The following SLC4A4 variants were observed in gnomAD, a reference collection of about 807,000 sequenced individuals.
SLC4A4 encodes the protein electrogenic sodium bicarbonate cotransporter 1.
A neutral mutation model predicts 111.5 loss-of-function variants in SLC4A4; 27 were observed. The ratio of observed to expected loss-of-function variants is 0.24; its 90% CI spans 0.18 to 0.33. The LOEUF is 0.33. SLC4A4 is among the 10% of genes least tolerant of loss of function. The pLI is 1.00. For missense variants in SLC4A4, 909 were observed against 1,315.5 expected, an observed-to-expected ratio of 0.69 and a Z score of 4.78; for synonymous variants, 443 against 463.4, an observed-to-expected ratio of 0.96 and a Z score of 0.57.
chr4:71,298,880 A>G (rs144264997), intron 3 of SLC4A4, among the ~76,000 whole-genome samples: 25 of 152,258 alleles, frequency 1.6e-4, no homozygotes, highest in African/African-American at 5.3e-4. Flanking sequence ...TCTTCAGTTT[A>G]TGTGCTCATT....
Position 71,472,593 on chromosome 4 carries a change from G to T in SLC4A4, c.1632-106G>T, listed in dbSNP as rs76540328. On this transcript the variant is annotated intron_variant, in intron 13 of 25. Coordinates refer to ENST00000264485, the MANE Select transcript of SLC4A4 (RefSeq NM_001098484.3). ...AGAGTTTCACATTTAGTGGCTAAAG[G>T]TGATCTTGTATTTTTGTCAATCTTT... 463 of 1,167,550 alleles carry T rather than the reference G, an allele frequency of 4.0e-4. 3 individuals are homozygous for T. In the African/African-American group the frequency reaches 6.1e-3, roughly 15 times the overall value. 72.3% of individuals were successfully genotyped at this position (1,167,550 alleles called of 1,614,324 possible). A position where few individuals can be genotyped will look rare whatever the true frequency, so the allele number is the denominator to read the frequency against.
chr4:71,161,960 T>C (rs1481996511), intron 2 of SLC4A4, among the ~76,000 whole-genome samples: 2 of 152,180 alleles, frequency 1.3e-5, no homozygotes, highest in African/African-American at 2.4e-5. Context: ...AATCTACTAA[T>C]TGGGTATAGA....
intron 2 of SLC4A4, among the ~76,000 whole-genome samples, chr4:71,126,618 T>G (rs1163860112): frequency 1.3e-5 from 2 of 152,240 alleles, no homozygotes; most frequent in Non-Finnish European, 2.9e-5. Context: ...AAGTTCTATT[T>G]TATGTGATTA....
chr4:71,184,327 A>G (rs765344678), upstream of SLC4A4, among the ~76,000 whole-genome samples: 4 of 152,190 alleles, frequency 2.6e-5, no homozygotes, highest in Non-Finnish European at 5.9e-5. Flanking sequence ...TGGACTACCT[A>G]TTCGAAAACT....
At chr4:71,558,922 T>C (rs1055029783) in intron 22 of SLC4A4, among the ~76,000 whole-genome samples, 5 of 151,856 alleles carry the variant, frequency 3.3e-5, no homozygotes, top group Admixed American at 3.3e-4. Context: ...CACTCAAATA[T>C]ACCTATTAGT....
chr4:71,282,484 C>A (rs568630707), intron 3 of SLC4A4, among the ~76,000 whole-genome samples: 50 of 151,768 alleles, frequency 3.3e-4, no homozygotes, highest in Non-Finnish European at 6.3e-4. Flanking sequence ...GGGGTTTCTC[C>A]GTGTTGGTCA....
intron 2 of SLC4A4, among the ~76,000 whole-genome samples, chr4:71,240,086 A>G (rs1720089049): frequency 6.6e-6 from 1 of 152,068 alleles, no homozygotes; most frequent in Non-Finnish European, 1.5e-5. Context: ...TTACGTAGCA[A>G]TTACGTAGTG....
chr4:71,065,134 T>C (rs945370684), intron 1 of SLC4A4, among the ~76,000 whole-genome samples: 1 of 152,204 alleles, frequency 6.6e-6, no homozygotes, highest in Non-Finnish European at 1.5e-5. Context: ...CACTGAATGA[T>C]ATGAGGAAAA....
At chr4:71,227,261 C>T (rs924671363) in intron 1 of SLC4A4, among the ~76,000 whole-genome samples, 16 of 152,196 alleles carry the variant, frequency 1.1e-4, no homozygotes, top group Admixed American at 4.6e-4. Context: ...GTGTGGTGGA[C>T]GGTTCAGGGT....
chr4:71,569,332 T>C lies in SLC4A4; in HGVS notation c.*1581T>C, dbSNP rs1029148197. On this transcript the variant is annotated 3_prime_UTR_variant, in exon 26 of 26. Transcript: ENST00000264485. ...CCATTTACACATCTATAAAATGTAA[T>C]GGGATTGCAGAGCTGCAGAGTACAG... The C allele has an allele frequency of 1.3e-5, 2 of 151,688 alleles. No individual in the cohort carries two copies. The highest frequency in any genetic ancestry group is 3.0e-5 in the Non-Finnish European group (2 of 67,780). The allele number at this position is 151,688 out of a possible 1,614,324, so 9.4% of individuals were successfully genotyped here. A position where few individuals can be genotyped will look rare whatever the true frequency, so the allele number is the denominator to read the frequency against.
intron 2 of SLC4A4, among the ~76,000 whole-genome samples, chr4:71,254,519 T>G (rs1274394220): frequency 6.6e-6 from 1 of 152,112 alleles, no homozygotes; most frequent in Admixed American, 6.6e-5. Context: ...AAAATGAGAA[T>G]GGCACTGTAG....
chr4:71,217,749 G>A (rs1355406508), intron 1 of SLC4A4, among the ~76,000 whole-genome samples: 1 of 152,148 alleles, frequency 6.6e-6, no homozygotes, highest in African/African-American at 2.4e-5. Context: ...TGGTATAAGA[G>A]TGGCATCATA....
intron 7 of SLC4A4, among the ~76,000 whole-genome samples, chr4:71,420,932 G>A (rs542504205): frequency 3.6e-4 from 54 of 149,306 alleles, no homozygotes; most frequent in African/African-American, 1.2e-3. Flanking sequence ...ATCAACTAAC[G>A]AGCAAAATAA....
At chr4:71,114,091 C>CA (rs1320857774) in intron 2 of SLC4A4, among the ~76,000 whole-genome samples, 3 of 151,856 alleles carry the variant, frequency 2.0e-5, no homozygotes, top group Non-Finnish European at 4.4e-5. Context: ...AGTAAACATA[C>CA]AAAAAATTAG....
intron 2 of SLC4A4, among the ~76,000 whole-genome samples, chr4:71,129,551 G>A (rs1743646430): frequency 6.6e-6 from 1 of 152,118 alleles, no homozygotes; most frequent in African/African-American, 2.4e-5. Flanking sequence ...GTGGAAAGCA[G>A]TTTGGCAATT....
At chr4:71,462,569 T>C (rs968457884) in intron 12 of SLC4A4, among the ~76,000 whole-genome samples, 13 of 151,998 alleles carry the variant, frequency 8.6e-5, no homozygotes, top group African/African-American at 3.1e-4. Flanking sequence ...CCACCATGCC[T>C]GGCTAATTTT....
chr4:71,269,141 G>A (rs1722514432), intron 3 of SLC4A4, among the ~76,000 whole-genome samples: 1 of 152,158 alleles, frequency 6.6e-6, no homozygotes, highest in African/African-American at 2.4e-5. Context: ...GGAGTTGTTG[G>A]GCTAAAAATG....
rs1278230926 is a variant in SLC4A4 at position 71,267,803 on chromosome 4, A to AAAAG, written c.253+12407_253+12408insGAAA. Reference sequence around the variant, plus strand: ...AGTGAGAGTCTGCCAAAAAAAAAAAAAAAAAAAAAAAAAAAGAAAACGAAA... The same window carrying AAAAG: ...AGTGAGAGTCTGCCAAAAAAAAAAAAAAAGAAAAAAAAAAAAAAAGAAAACGAAA... On this transcript the variant is annotated intron_variant, in intron 3 of 25. Coordinates refer to ENST00000264485, the MANE Select transcript of SLC4A4 (RefSeq NM_001098484.3). Among the ~76,000 whole-genome samples, 199 of 146,020 alleles carry AAAAG rather than the reference A, an allele frequency of 1.4e-3. 1 individual carries two copies. The highest frequency in any genetic ancestry group is 3.5e-3 in the Middle Eastern group (1 of 284).
intron 6 of SLC4A4, among the ~76,000 whole-genome samples, chr4:71,387,922 A>G (rs1259584760): frequency 6.6e-6 from 1 of 152,190 alleles, no homozygotes; most frequent in Non-Finnish European, 1.5e-5. Context: ...AAACTTATCT[A>G]AATTAGACAC....
Sources: gnomAD v4.1 joint callset for allele counts (sites outside exome capture counted in the v4.1 genomes callset) on GRCh38, gnomAD v4.1.1 for gene constraint, MANE v1.5 for transcripts, NCBI Gene and HGNC (gene_info 2026-07-23, HGNC 2026-07-21) for gene names.